The following KDM4C variants were observed in gnomAD, a reference collection of about 807,000 sequenced individuals.
The protein encoded by KDM4C is lysine demethylase 4C.
Under a neutral mutation model 129.3 loss-of-function variants are expected in KDM4C, and 81 were observed. The ratio of observed to expected loss-of-function variants is 0.63; its 90% CI spans 0.52 to 0.75. KDM4C has a LOEUF of 0.75. Ranked by LOEUF, KDM4C falls within the 30% of genes least tolerant of loss-of-function variation. The probability of loss-of-function intolerance (pLI) is 0.00; values close to 1 mark genes in which losing one functional copy is unlikely to be tolerated. For missense variants in KDM4C, 1,457 were observed against 1,304.0 expected, an observed-to-expected ratio of 1.12 and a Z score of -1.81; for synonymous variants, 573 against 456.1, an observed-to-expected ratio of 1.26 and a Z score of -3.26.
At chr9:6,784,232 G>A (rs1378158931) in intron 1 of KDM4C, among the ~76,000 whole-genome samples, 2 of 152,130 alleles carry the variant, frequency 1.3e-5, no homozygotes, top group Non-Finnish European at 2.9e-5. Flanking sequence ...TAACTTTCCT[G>A]AGGTCACACA....
chr9:6,922,116 C>CATGA (rs796601483), intron 8 of KDM4C, among the ~76,000 whole-genome samples: 7 of 152,294 alleles, frequency 4.6e-5, no homozygotes, highest in African/African-American at 1.7e-4. Context: ...ATATTTGCTG[C>CATGA]ATGAATGAAT....
In KDM4C at chr9:6,805,733, G is replaced by C; in HGVS notation, c.279G>C (p.Ala93=). ...CTCAGTACAACATCCAGAAAAAAGC[G>C]ATGACTGTGAAGGAGTTCAGGCAGC... ...LFTQYNIQKK[A]MTVKEFRQLA... Residue 93 remains alanine (A), a synonymous_variant, in exon 3 of 22, where the codon GCG becomes GCC. Coordinates refer to ENST00000381309, the MANE Select transcript of KDM4C (RefSeq NM_015061.6). 1 of 1,614,016 alleles carries C rather than the reference G, an allele frequency of 6.2e-7. No homozygotes were observed. The highest frequency in any genetic ancestry group is 8.5e-7 in the Non-Finnish European group (1 of 1,179,966).
At chr9:6,960,077 G>T (rs1010259492) in intron 8 of KDM4C, among the ~76,000 whole-genome samples, 10 of 151,824 alleles carry the variant, frequency 6.6e-5, no homozygotes, top group Admixed American at 2.0e-4. Context: ...CCAAGTCCCT[G>T]AGAGATTCCT....
intron 6 of KDM4C, among the ~76,000 whole-genome samples, chr9:6,882,023 ATCT>A (rs1200152271): frequency 6.6e-6 from 1 of 152,184 alleles, no homozygotes; most frequent in African/African-American, 2.4e-5. Context: ...GAATGCTTTC[ATCT>A]TTGGTTTCTA....
At chr9:7,154,282 T>C (rs1369093167) in intron 19 of KDM4C, among the ~76,000 whole-genome samples, 2 of 152,232 alleles carry the variant, frequency 1.3e-5, no homozygotes, top group South Asian at 2.1e-4. Flanking sequence ...CTGGAAACGA[T>C]AGCAGCTGTT....
chr9:6,807,532 C>A (rs1830244298), intron 3 of KDM4C, among the ~76,000 whole-genome samples: 3 of 148,420 alleles, frequency 2.0e-5, no homozygotes, highest in African/African-American at 7.5e-5. Context: ...CTCTGCCCCG[C>A]CGCCCCATCT....
chr9:6,793,001 G>C lies in KDM4C; in HGVS notation c.13G>C (p.Glu5Gln), dbSNP rs772150930. The change falls in exon 2 of 22, where the codon GAG becomes CAG. Residue 5 changes from glutamate to glutamine, a missense_variant. Transcript: ENST00000381309. ...TGCCCTAACCATCATGGAGGTGGCC[G>C]AGGTGGAAAGTCCTCTGAACCCCAG... is the stretch of plus-strand genomic sequence containing the variant. Reference protein sequence around the residue: MEVAEVESPLNPSCK... With the variant: MEVAQVESPLNPSCK... 1 of 1,614,138 alleles carries C rather than the reference G, an allele frequency of 6.2e-7. No individual in the cohort carries two copies. The highest frequency in any genetic ancestry group is 2.2e-5 in the East Asian group (1 of 44,886).
chr9:6,809,012 A>G (rs1348283248), intron 3 of KDM4C, among the ~76,000 whole-genome samples: 1 of 151,794 alleles, frequency 6.6e-6, no homozygotes, highest in African/African-American at 2.4e-5. Context: ...TGTGAATGAG[A>G]TTAAGACTTT....
intron 19 of KDM4C, among the ~76,000 whole-genome samples, chr9:7,129,600 G>A (rs1471416957): frequency 6.6e-6 from 1 of 152,014 alleles, no homozygotes; most frequent in Admixed American, 6.6e-5. Context: ...ACTAGGTGCT[G>A]GAAACATAAA....
At chr9:7,064,607 G>A (rs1227718744) in intron 17 of KDM4C, among the ~76,000 whole-genome samples, 1 of 152,198 alleles carries the variant, frequency 6.6e-6, no homozygotes, top group African/African-American at 2.4e-5. Flanking sequence ...CCTGCAACGT[G>A]CAAGGCTCCT....
intron 6 of KDM4C, among the ~76,000 whole-genome samples, chr9:6,886,623 C>T (rs1845312791): frequency 6.6e-6 from 1 of 151,768 alleles, no homozygotes; most frequent in African/African-American, 2.4e-5. Flanking sequence ...TCCTGAGTAG[C>T]TGGGACCACA....
chr9:6,804,924 A>G (rs1490451408), intron 2 of KDM4C, among the ~76,000 whole-genome samples: 1 of 151,880 alleles, frequency 6.6e-6, no homozygotes, highest in Non-Finnish European at 1.5e-5. Flanking sequence ...TTCCTGAGAC[A>G]GAGTCTCACT....
chr9:6,764,237 A>G (rs564645672), intron 1 of KDM4C, among the ~76,000 whole-genome samples: 37 of 152,352 alleles, frequency 2.4e-4, no homozygotes, highest in Non-Finnish European at 4.6e-4. Context: ...GTTGAAATTC[A>G]GCTGATTATT....
At chr9:6,791,166 C>T (rs145812699) in intron 1 of KDM4C, among the ~76,000 whole-genome samples, 1 of 152,298 alleles carries the variant, frequency 6.6e-6, no homozygotes, top group East Asian at 1.9e-4. Flanking sequence ...GGCTGGAGTG[C>T]AGTGGCATGA....
chr9:6,783,463 G>A (rs944809226), intron 1 of KDM4C, among the ~76,000 whole-genome samples: 2 of 152,200 alleles, frequency 1.3e-5, no homozygotes, highest in African/African-American at 2.4e-5. Context: ...ATTCATGAGA[G>A]AGAGGCCCAT....
At chr9:6,809,268 A>T (rs1349828104) in intron 3 of KDM4C, among the ~76,000 whole-genome samples, 1 of 152,234 alleles carries the variant, frequency 6.6e-6, no homozygotes, top group African/African-American at 2.4e-5. Flanking sequence ...TTCAACAAAG[A>T]TTGGAAGCAT....
rs541133994 is a variant in KDM4C at position 7,163,432 on chromosome 9, G to GT, written c.2782-1805dup. ...CAGAATTCAAAAATAAAATTAAGTC[G>GT]TAACTAATCCTCTTGTAAAAGGCTA... On this transcript the variant is annotated intron_variant, in intron 19 of 21. Coordinates refer to ENST00000381309, the MANE Select transcript of KDM4C (RefSeq NM_015061.6). Among the ~76,000 whole-genome samples, 14 of 152,148 alleles carry GT rather than the reference G, an allele frequency of 9.2e-5. No homozygotes were observed. In the South Asian group the frequency reaches 2.9e-3, roughly 32 times the overall value.
At position 7,174,824 on chromosome 9, in the gene KDM4C, T is replaced by C; in HGVS notation, c.*95T>C. 1 of 1,086,348 alleles carries C rather than the reference T, an allele frequency of 9.2e-7. No homozygotes were observed. Among genetic ancestry groups the C allele is most frequent in the African/African-American group, 1.6e-5 (1 of 64,326 alleles). 67.3% of individuals were successfully genotyped at this position (1,086,348 alleles called of 1,614,324 possible). On this transcript the variant is annotated 3_prime_UTR_variant, in exon 22 of 22. Coordinates refer to ENST00000381309, the MANE Select transcript of KDM4C (RefSeq NM_015061.6). ...GGCTGTGCCGTGAGTTTTGCTGGCA[T>C]AGGTGACAGGGTGTGTCTCTGACAG...
intron 1 of KDM4C, among the ~76,000 whole-genome samples, chr9:6,763,599 A>G (rs959003474): frequency 6.6e-6 from 1 of 152,172 alleles, no homozygotes; most frequent in Non-Finnish European, 1.5e-5. Context: ...CTTTGTGTTT[A>G]TGTGCATTTT....
Sources: allele counts gnomAD v4.1 joint callset (sites outside exome capture counted in the v4.1 genomes callset), GRCh38; gene constraint gnomAD v4.1.1; transcripts MANE v1.5; gene names NCBI Gene and HGNC (gene_info 2026-07-23, HGNC 2026-07-21).